The following TCF12 variants were observed in gnomAD, a reference collection of about 807,000 sequenced individuals.
TCF12 encodes the protein DNA-binding protein HTF4.
TCF12 carries 45 observed loss-of-function variants against 86.0 expected under a neutral mutation model. The ratio of observed to expected loss-of-function variants is 0.52; its 90% confidence interval spans 0.41 to 0.67. TCF12 has a LOEUF of 0.67. Among genes scored for constraint, TCF12 ranks in the 30% least tolerant of loss-of-function variants. The pLI, the probability that TCF12 is intolerant of heterozygous loss-of-function variation, is 0.00. For synonymous variants in TCF12, 330 were observed against 299.6 expected (o/e 1.10, Z -1.05); for missense variants, 881 against 859.9 (o/e 1.02, Z -0.31).
At chr15:57,018,761 G>C (rs1015248852) in intron 3 of TCF12, among the ~76,000 whole-genome samples, 5 of 152,050 alleles carry the variant, frequency 3.3e-5, no homozygotes, top group African/African-American at 1.2e-4. Context: ...TAATTTGAAA[G>C]GGCTCATATT....
chr15:56,926,266 T>C (rs2060010069), intron 3 of TCF12, among the ~76,000 whole-genome samples: 2 of 151,736 alleles, frequency 1.3e-5, no homozygotes, highest in South Asian at 4.2e-4. Context: ...TGAGCCGAGA[T>C]TGTGCCACGG....
chr15:57,048,866 A>G (rs1299104554), intron 3 of TCF12, among the ~76,000 whole-genome samples: 2 of 152,160 alleles, frequency 1.3e-5, no homozygotes, highest in Admixed American at 1.3e-4. Flanking sequence ...ACCCATCATC[A>G]ATATCAAGAT....
intron 5 of TCF12, among the ~76,000 whole-genome samples, chr15:57,099,486 TAAG>T (rs567550126): frequency 6.7e-4 from 102 of 152,204 alleles, no homozygotes; most frequent in African/African-American, 1.9e-3. Context: ...AAAATTAAAA[TAAG>T]AATATAATAT....
intron 5 of TCF12, among the ~76,000 whole-genome samples, chr15:57,129,167 A>C (rs540654346): frequency 6.6e-6 from 1 of 152,330 alleles, no homozygotes; most frequent in South Asian, 2.1e-4. Flanking sequence ...TGAAGGTTCC[A>C]GTTTCTTCAC....
intron 5 of TCF12, among the ~76,000 whole-genome samples, chr15:57,119,667 C>G (rs928909291): frequency 5.9e-5 from 9 of 151,800 alleles, no homozygotes; most frequent in African/African-American, 1.9e-4. Flanking sequence ...ATACTGTATA[C>G]TTTGGATTTT....
At chr15:57,140,850 C>G (rs1341252398) in intron 5 of TCF12, among the ~76,000 whole-genome samples, 1 of 152,142 alleles carries the variant, frequency 6.6e-6, no homozygotes, top group East Asian at 1.9e-4. Context: ...ATATTATGAC[C>G]TCTGACCTCA....
chr15:56,957,944 A>T (rs1286243386), intron 3 of TCF12, among the ~76,000 whole-genome samples: 2 of 152,126 alleles, frequency 1.3e-5, no homozygotes, highest in Non-Finnish European at 2.9e-5. Context: ...CTACTGAGGA[A>T]ATGTGTTTTG....
intron 8 of TCF12, among the ~76,000 whole-genome samples, chr15:57,222,758 A>ATTTTTTT (rs57645813): frequency 8.8e-5 from 4 of 45,530 alleles, no homozygotes; most frequent in Non-Finnish European, 1.1e-4. Flanking sequence ...AAGGACTGCC[A>ATTTTTTT]TTTTTTTTTT....
Position 57,197,755 on chromosome 15 carries a change from ATTG to A in TCF12, c.527-15_527-13del, listed in dbSNP as rs755895308. 10 of 1,613,276 alleles carry A rather than the reference ATTG, an allele frequency of 6.2e-6. No individual in the cohort carries two copies. Among genetic ancestry groups the A allele is most frequent in the Non-Finnish European group, 8.5e-6 (10 of 1,179,762 alleles). On this transcript the variant is annotated splice_polypyrimidine_tract_variant and intron_variant, in intron 7 of 20. Coordinates refer to ENST00000333725, the MANE Select transcript of TCF12 (RefSeq NM_207037.2). Reference sequence around the variant, plus strand: ...CTGGTATATTATGCTGAAGAAATGTATTGTTTTCCATCTGCAGATCCCTTGCAA... The same window carrying A: ...CTGGTATATTATGCTGAAGAAATGTATTTTCCATCTGCAGATCCCTTGCAA...
At chr15:57,006,208 A>G (rs1435106105) in intron 3 of TCF12, among the ~76,000 whole-genome samples, 1 of 152,216 alleles carries the variant, frequency 6.6e-6, no homozygotes, top group Non-Finnish European at 1.5e-5. Context: ...ATAGATATTT[A>G]AAATTCCATG....
At chr15:57,173,076 A>C (rs1273894018) in intron 6 of TCF12, among the ~76,000 whole-genome samples, 3 of 152,192 alleles carry the variant, frequency 2.0e-5, no homozygotes, top group Non-Finnish European at 4.4e-5. Flanking sequence ...GCAACAGAGC[A>C]AGACTCTGTC....
intron 3 of TCF12, among the ~76,000 whole-genome samples, chr15:56,970,020 G>A (rs1404434508): frequency 6.6e-6 from 1 of 152,164 alleles, no homozygotes; most frequent in Admixed American, 6.5e-5. Context: ...GCTACATTTA[G>A]TCTGTCTCAT....
chr15:57,075,114 T>C (rs2069769432), intron 4 of TCF12, among the ~76,000 whole-genome samples: 1 of 152,250 alleles, frequency 6.6e-6, no homozygotes, highest in Admixed American at 6.5e-5. Context: ...CAGAGCATAT[T>C]CTGGTGGTTA....
At chr15:57,227,223 G>T (rs2058929644) in intron 8 of TCF12, among the ~76,000 whole-genome samples, 1 of 152,072 alleles carries the variant, frequency 6.6e-6, no homozygotes, top group Non-Finnish European at 1.5e-5. Context: ...CAAAACCTCT[G>T]CTTCTTTGCA....
chr15:57,218,132 GA>G (rs2058409990), intron 8 of TCF12, among the ~76,000 whole-genome samples: 1 of 152,114 alleles, frequency 6.6e-6, no homozygotes, highest in East Asian at 1.9e-4. Context: ...AGGTTGGGGG[GA>G]TAGGGGGTCC....
chr15:57,175,546 C>T (rs1168825008), intron 6 of TCF12, among the ~76,000 whole-genome samples: 1 of 152,110 alleles, frequency 6.6e-6, no homozygotes, highest in African/African-American at 2.4e-5. Flanking sequence ...TGCTGTTTCG[C>T]CAACAGGATT....
At chr15:57,004,066 G>A (rs1187647670) in intron 3 of TCF12, among the ~76,000 whole-genome samples, 1 of 151,918 alleles carries the variant, frequency 6.6e-6, no homozygotes, top group African/African-American at 2.4e-5. Context: ...CCTCAGTGAT[G>A]TAATTTCTAT....
chr15:57,158,081 T>A (rs1158713989), intron 5 of TCF12, among the ~76,000 whole-genome samples: 1 of 152,076 alleles, frequency 6.6e-6, no homozygotes, highest in Non-Finnish European at 1.5e-5. Flanking sequence ...GCAAATCTGA[T>A]GTTAAGGGGA....
chr15:57,006,794 T>TG lies in TCF12; in HGVS notation c.149-56954dup, dbSNP rs566986425. On this transcript the variant is annotated intron_variant, in intron 3 of 20. Transcript: ENST00000333725. ...GAGCGAGTGTGGTGGCATGCGTCTG[T>TG]GGTCCCAGCTACTTGGGAGGCTGAG... Among the ~76,000 whole-genome samples the TG allele has an allele frequency of 2.0e-5, 3 of 152,026 alleles. No individual in the cohort carries two copies. The South Asian group carries it at 6.2e-4, about 32-fold the overall frequency.
Sources: allele counts gnomAD v4.1 joint callset (sites outside exome capture counted in the v4.1 genomes callset), GRCh38; gene constraint gnomAD v4.1.1; transcripts MANE v1.5; gene names NCBI Gene and HGNC (gene_info 2026-07-23, HGNC 2026-07-21).